The following SMARCD3 variants were observed in gnomAD, a reference collection of about 807,000 sequenced individuals.
SMARCD3 encodes SWI/SNF related BAF chromatin remodeling complex subunit D3.
In SMARCD3, 14 loss-of-function variants were observed where a neutral mutation model predicts 58.0. The ratio of observed to expected loss-of-function variants is 0.24; its 90% CI spans 0.16 to 0.38. The LOEUF is 0.38. Among genes scored for constraint, SMARCD3 ranks in the 10% least tolerant of loss-of-function variants. SMARCD3 has a pLI of 1.00. For missense variants in SMARCD3, 408 were observed against 636.9 expected, an observed-to-expected ratio of 0.64 and a Z score of 3.87; for synonymous variants, 253 against 253.8, an observed-to-expected ratio of 1.00 and a Z score of 0.03.
rs536374801 is a variant in SMARCD3 at position 151,244,303 on chromosome 7, C to T, written c.291-602G>A. The stretch of plus-strand genomic sequence containing the variant: ...GTGAGGGACATGCTGCAGCCATAGG[C>T]GCCCAGAATGTGCATGGGTGTGACT... On this transcript the variant is annotated intron_variant, in intron 2 of 12. Coordinates refer to ENST00000262188, the MANE Select transcript of SMARCD3 (RefSeq NM_001003801.2). Among the ~76,000 whole-genome samples the T allele has an allele frequency of 7.2e-5, 11 of 152,262 alleles. 1 individual carries two copies. In the East Asian group the frequency reaches 1.4e-3, roughly 19 times the overall value.
rs1803077569 is a variant in SMARCD3 at position 151,243,018 on chromosome 7, C to T, written c.334-175G>A. Among the ~76,000 whole-genome samples the T allele has an allele frequency of 6.6e-6, 1 of 152,168 alleles. No homozygotes were observed. The highest frequency in any genetic ancestry group is 2.4e-5 in the African/African-American group (1 of 41,446). ...CTCTCCCCAGGATGCCATTATCCAGCAGTAGGGGCCTTGCTGTGTAGGGAT... is the reference window on the plus strand; with the variant it reads ...CTCTCCCCAGGATGCCATTATCCAGTAGTAGGGGCCTTGCTGTGTAGGGAT... On this transcript the variant is annotated intron_variant, in intron 3 of 12. Coordinates refer to ENST00000262188, the MANE Select transcript of SMARCD3 (RefSeq NM_001003801.2). The surrounding 1 kb of genome is among the most constrained non-coding windows in gnomAD (Gnocchi z 4.4).
chr7:151,239,503 A>T lies in SMARCD3; in HGVS notation c.1297-6T>A. The T allele has an allele frequency of 1.2e-6, 2 of 1,612,904 alleles. No individual in the cohort carries two copies. The highest frequency in any genetic ancestry group is 1.7e-6 in the Non-Finnish European group (2 of 1,179,214). ...CCGGCTACATCTGTCATCACCTGGG[A>T]GGGAGCGTGGGGTGAGCCCTGAGCC... is the stretch of plus-strand genomic sequence containing the variant. On this transcript the variant is annotated splice_region_variant and splice_polypyrimidine_tract_variant and intron_variant, in intron 11 of 12. Coordinates refer to ENST00000262188, the MANE Select transcript of SMARCD3 (RefSeq NM_001003801.2). The surrounding 1 kb of genome is among the most constrained non-coding windows in gnomAD (Gnocchi z 7.0).
At chr7:151,267,293 A>G (rs952551253) in intron 2 of SMARCD3, among the ~76,000 whole-genome samples, 18 of 152,232 alleles carry the variant, frequency 1.2e-4, no homozygotes, top group Non-Finnish European at 2.6e-4. Flanking sequence ...CTATTACTGT[A>G]TCCATTTTAA....
Position 151,243,422 on chromosome 7 carries a change from T to C in SMARCD3, c.333+237A>G, listed in dbSNP as rs1803096329. On this transcript the variant is annotated intron_variant, in intron 3 of 12. Coordinates refer to ENST00000262188, the MANE Select transcript of SMARCD3 (RefSeq NM_001003801.2). The surrounding 1 kb of genome is among the most constrained non-coding windows in gnomAD (Gnocchi z 4.4). ...GCCCCCTCCTGGTCCCACAGCTCTA[T>C]AGTACCACTTGGATCAAACCCCCTG... Among the ~76,000 whole-genome samples, 1 of 152,164 alleles carries C rather than the reference T, an allele frequency of 6.6e-6. No individual in the cohort carries two copies. The highest frequency in any genetic ancestry group is 1.5e-5 in the Non-Finnish European group (1 of 68,020).
upstream of SMARCD3, among the ~76,000 whole-genome samples, chr7:151,252,775 T>G (rs1803570127): frequency 6.6e-6 from 1 of 152,100 alleles, no homozygotes; most frequent in Non-Finnish European, 1.5e-5. Context: ...CTCCTCCTCC[T>G]GGCTGCCCCC....
chr7:151,263,819 G>A (rs138377375), intron 2 of SMARCD3, among the ~76,000 whole-genome samples: 1 of 152,150 alleles, frequency 6.6e-6, no homozygotes, highest in Non-Finnish European at 1.5e-5. Context: ...AATGCAATGA[G>A]GACCATAGTA....
At chr7:151,258,289 C>T (rs749361880) in intron 2 of SMARCD3, among the ~76,000 whole-genome samples, 13 of 152,160 alleles carry the variant, frequency 8.5e-5, no homozygotes, top group South Asian at 6.2e-4. Flanking sequence ...CAGGGCCGGG[C>T]GCAGTGGCTC....
intron 2 of SMARCD3, among the ~76,000 whole-genome samples, chr7:151,266,624 G>C (rs1447739843): frequency 6.6e-6 from 1 of 152,168 alleles, no homozygotes. Flanking sequence ...TCAATTCTTA[G>C]CAAATTTGCC....
upstream of SMARCD3, chr7:151,248,765 C>A: frequency 1.0e-6 from 1 of 960,246 alleles, no homozygotes. This position sits in a 1 kb window ranked among gnomAD's most constrained non-coding sequence, Gnocchi z 6.1. Context: ...CCGCCGCCGC[C>A]GCCGCCGCCG....
upstream of SMARCD3, among the ~76,000 whole-genome samples, chr7:151,253,118 G>A (rs1477546788): frequency 2.0e-5 from 3 of 152,148 alleles, no homozygotes; most frequent in Non-Finnish European, 2.9e-5. Context: ...CTAAGACAGA[G>A]GCAGGAACCA....
At position 151,248,492 on chromosome 7, in the gene SMARCD3, T is replaced by A; in HGVS notation, c.71A>T (p.His24Leu). The A allele has an allele frequency of 6.2e-7, 1 of 1,610,232 alleles. No homozygotes were observed. Among genetic ancestry groups the A allele is most frequent in the Non-Finnish European group, 8.5e-7 (1 of 1,177,560 alleles). Reference protein sequence around the residue: ...TKSKLFEFLVHGVRPGMPSGA... With the variant: ...TKSKLFEFLVLGVRPGMPSGA... ...TAACTTTCCCCCACTCACCACCCCATGGACCAGAAACTCAAAAAGTTTGCT... is the reference window on the plus strand; with the variant it reads ...TAACTTTCCCCCACTCACCACCCCAAGGACCAGAAACTCAAAAAGTTTGCT... Residue 24 changes from histidine (H) to leucine (L), a missense_variant, in exon 1 of 13, where the codon CAT becomes CTT. Coordinates refer to ENST00000262188, the MANE Select transcript of SMARCD3 (RefSeq NM_001003801.2). The surrounding 1 kb of genome is among the most constrained non-coding windows in gnomAD (Gnocchi z 6.1).
intron 2 of SMARCD3, among the ~76,000 whole-genome samples, chr7:151,261,075 C>T (rs1313429008): frequency 6.6e-6 from 1 of 152,162 alleles, no homozygotes; most frequent in Non-Finnish European, 1.5e-5. Context: ...TGTTGGGGCG[C>T]GCTCTCGGCA....
chr7:151,266,452 A>G (rs530654531), intron 2 of SMARCD3, among the ~76,000 whole-genome samples: 2 of 152,314 alleles, frequency 1.3e-5, no homozygotes, highest in Middle Eastern at 3.4e-3. Flanking sequence ...GTTATCCAAA[A>G]TATTCACCAT....
At chr7:151,240,021 T>G in intron 10 of SMARCD3, 91 bp downstream of exon 10, 2 of 1,254,162 alleles carry the variant, frequency 1.6e-6, no homozygotes, top group Non-Finnish European at 2.3e-6. Flanking sequence ...TAACCCAGAC[T>G]GCTCATCTGC....
Position 151,242,980 on chromosome 7 carries a change from G to GT in SMARCD3, c.334-138dup. ...TACTTTTGGGCATGTAGCTTTGACA[G>GT]TGGGAACAGGACCTCTCCCCAGGAT... On this transcript the variant is annotated intron_variant, in intron 3 of 12. Transcript: ENST00000262188. The surrounding 1 kb of genome is among the most constrained non-coding windows in gnomAD (Gnocchi z 4.7). The GT allele has an allele frequency of 1.0e-6, 1 of 983,418 alleles. No homozygotes were observed. The highest frequency in any genetic ancestry group is 1.6e-5 in the South Asian group (1 of 62,184). The allele number at this position is 983,418 out of a possible 1,614,324, so 60.9% of individuals were successfully genotyped here. A position where few individuals can be genotyped will look rare whatever the true frequency, so the allele number is the denominator to read the frequency against.
chr7:151,239,303 G>T lies in SMARCD3; in HGVS notation c.1398+93C>A. On this transcript the variant is annotated intron_variant, in intron 12 of 12. Coordinates refer to ENST00000262188, the MANE Select transcript of SMARCD3 (RefSeq NM_001003801.2). The surrounding 1 kb of genome is among the most constrained non-coding windows in gnomAD (Gnocchi z 7.0). ...TGAGGCAGCGTGGTGAAGCTTTACTGTGGGGAGCTGCGAGGGCTGCCCACA... is the reference window on the plus strand; with the variant it reads ...TGAGGCAGCGTGGTGAAGCTTTACTTTGGGGAGCTGCGAGGGCTGCCCACA... 7.5e-7 allele frequency: 1 copy of T among 1,326,950 alleles called. No homozygotes were observed. Among genetic ancestry groups the T allele is most frequent in the Non-Finnish European group, 1.1e-6 (1 of 921,158 alleles). The allele number at this position is 1,326,950 out of a possible 1,614,324, so 82.2% of individuals were successfully genotyped here. A position where few individuals can be genotyped will look rare whatever the true frequency, so the allele number is the denominator to read the frequency against.
intron 2 of SMARCD3, among the ~76,000 whole-genome samples, chr7:151,264,188 A>G (rs1466990770): frequency 6.6e-6 from 1 of 151,356 alleles, no homozygotes; most frequent in Admixed American, 6.6e-5. Context: ...CCTCCCAAGT[A>G]GCTGGGACTA....
At chr7:151,252,038 C>T (rs1453960261), upstream of SMARCD3, among the ~76,000 whole-genome samples, 3 of 151,888 alleles carry the variant, frequency 2.0e-5, no homozygotes, top group Non-Finnish European at 2.9e-5. Flanking sequence ...GACTCCGCGG[C>T]GGCCGGGGAG....
chr7:151,262,043 G>C (rs558667407), intron 2 of SMARCD3, among the ~76,000 whole-genome samples: 2 of 152,174 alleles, frequency 1.3e-5, no homozygotes, highest in Admixed American at 1.3e-4. Context: ...CAGGACAGGA[G>C]GGAGACATTC....
Sources: gnomAD v4.1 joint callset for allele counts (sites outside exome capture counted in the v4.1 genomes callset) on GRCh38, gnomAD v4.1.1 for gene constraint, Gnocchi (gnomAD v3.1) non-coding constraint, MANE v1.5 for transcripts, NCBI Gene and HGNC (gene_info 2026-07-23, HGNC 2026-07-21) for gene names.